The following CCNJL variants were observed in gnomAD, a reference collection of about 807,000 sequenced individuals.
CCNJL encodes the protein cyclin-J-like protein.
CCNJL carries 33 observed loss-of-function variants against 33.4 expected under a neutral mutation model. The observed-to-expected ratio is 0.99, with a 90% confidence interval of 0.75 to 1.32. The LOEUF is 1.32. CCNJL is among the 40% of genes most tolerant of loss of function. The probability of loss-of-function intolerance (pLI) is 0.00; values close to 1 mark genes in which losing one functional copy is unlikely to be tolerated. For synonymous variants in CCNJL, 227 were observed against 220.9 expected (o/e 1.03, Z -0.24); for missense variants, 512 against 499.7 (o/e 1.02, Z -0.23).
chr5:160,336,999 CTTTCT>C (rs1763690450), intron 1 of CCNJL, among the ~76,000 whole-genome samples: 1 of 111,722 alleles, frequency 9.0e-6, no homozygotes, highest in African/African-American at 3.6e-5. Flanking sequence ...CTTTCTTTTT[CTTTCT>C]TTTTTTTTTT....
At chr5:160,289,529 G>A (rs74955351) in intron 2 of CCNJL, among the ~76,000 whole-genome samples, 3,070 of 152,120 alleles carry the variant, frequency 0.02, 96 homozygotes, top group African/African-American at 0.069. Flanking sequence ...CAGCATTTCT[G>A]AGACCAGAGG....
At chr5:160,256,354 G>A (rs1014476178) in intron 4 of CCNJL, among the ~76,000 whole-genome samples, 4 of 152,156 alleles carry the variant, frequency 2.6e-5, no homozygotes, top group Non-Finnish European at 2.9e-5. Flanking sequence ...AAAGGCTTCC[G>A]TTTTGGGGTA....
intron 3 of CCNJL, among the ~76,000 whole-genome samples, chr5:160,278,127 A>T (rs565422216): frequency 1.3e-5 from 2 of 152,196 alleles, no homozygotes; most frequent in African/African-American, 4.8e-5. Flanking sequence ...GGCTGGTCTC[A>T]AACTTCTGAC....
At chr5:160,267,262 T>C (rs1761636214) in intron 3 of CCNJL, among the ~76,000 whole-genome samples, 1 of 152,136 alleles carries the variant, frequency 6.6e-6, no homozygotes, top group South Asian at 2.1e-4. Flanking sequence ...GCTGTGCCCT[T>C]AACAGATGCT....
chr5:160,333,664 T>C (rs1202055816), intron 1 of CCNJL, among the ~76,000 whole-genome samples: 1 of 151,332 alleles, frequency 6.6e-6, no homozygotes, highest in Admixed American at 6.6e-5. Flanking sequence ...TCCCCTTAGG[T>C]GGAGTTGTTT....
chr5:160,281,120 T>C (rs1289284105), intron 2 of CCNJL, among the ~76,000 whole-genome samples: 1 of 152,214 alleles, frequency 6.6e-6, no homozygotes, highest in South Asian at 2.1e-4. Context: ...CTGGTTCCAC[T>C]ACTCAGCCAA....
intron 2 of CCNJL, among the ~76,000 whole-genome samples, chr5:160,292,592 G>C (rs957611786): frequency 1.3e-5 from 2 of 152,052 alleles, no homozygotes; most frequent in Admixed American, 6.6e-5. Context: ...CTGCACTCTA[G>C]CCTGGGTGAC....
intron 3 of CCNJL, among the ~76,000 whole-genome samples, chr5:160,279,247 A>G (rs1199467378): frequency 6.6e-6 from 1 of 152,228 alleles, no homozygotes; most frequent in Non-Finnish European, 1.5e-5. Context: ...GAAATGAATA[A>G]TGAAATAGGA....
intron 1 of CCNJL, among the ~76,000 whole-genome samples, chr5:160,329,046 G>A (rs1247747613): frequency 1.3e-5 from 2 of 152,130 alleles, no homozygotes; most frequent in East Asian, 1.9e-4. Context: ...CTGCCTCACT[G>A]GAACCCATGC....
intron 2 of CCNJL, among the ~76,000 whole-genome samples, chr5:160,289,641 T>C (rs1372101811): frequency 6.6e-6 from 1 of 151,986 alleles, no homozygotes; most frequent in Non-Finnish European, 1.5e-5. Context: ...GAGGATTACC[T>C]GAGAGGGAAA....
chr5:160,262,767 A>G lies in CCNJL; in HGVS notation c.281-2996T>C, dbSNP rs532339491. Among the ~76,000 whole-genome samples the G allele has an allele frequency of 2.6e-5, 4 of 152,338 alleles. No individual in the cohort carries two copies. The South Asian group carries it at 8.3e-4, about 32-fold the overall frequency. On this transcript the variant is annotated intron_variant, in intron 3 of 5. Coordinates refer to ENST00000257536, the MANE Select transcript of CCNJL (RefSeq NM_001308173.3). ...TTGGCCTGGCCAGCAGTTAAAAAGC[A>G]GCCAGAAAAGATTTTATGAGTTTCC... is the stretch of plus-strand genomic sequence containing the variant.
chr5:160,336,036 T>G (rs945177575), intron 1 of CCNJL, among the ~76,000 whole-genome samples: 7 of 152,196 alleles, frequency 4.6e-5, no homozygotes, highest in Non-Finnish European at 1.0e-4. Context: ...GACTCTCCCC[T>G]TCTTTATTTG....
At chr5:160,318,428 A>G (rs983270831) in intron 1 of CCNJL, among the ~76,000 whole-genome samples, 1 of 152,232 alleles carries the variant, frequency 6.6e-6, no homozygotes, top group Non-Finnish European at 1.5e-5. Flanking sequence ...ATAAGGTCAC[A>G]TTGTGAGCTA....
chr5:160,321,854 G>A (rs1019403433), intron 1 of CCNJL, among the ~76,000 whole-genome samples: 6 of 152,112 alleles, frequency 3.9e-5, no homozygotes, highest in Non-Finnish European at 5.9e-5. Flanking sequence ...GTGAGACTCC[G>A]TCTCAAAAAA....
upstream of CCNJL, among the ~76,000 whole-genome samples, chr5:160,313,513 G>A (rs1212351887): frequency 2.0e-5 from 3 of 152,136 alleles, no homozygotes; most frequent in African/African-American, 7.2e-5. Context: ...TTTAGTTTCT[G>A]ACTGCTTTCC....
intron 2 of CCNJL, among the ~76,000 whole-genome samples, chr5:160,302,202 T>C (rs995415527): frequency 6.6e-6 from 1 of 152,162 alleles, no homozygotes; most frequent in Non-Finnish European, 1.5e-5. Flanking sequence ...TGAGATGAGT[T>C]AGTGAAATCA....
chr5:160,326,486 CAAAAAAAAAA>C lies in CCNJL; in HGVS notation n.207-10991_207-10982del, dbSNP rs11461365. On this transcript the variant is annotated intron_variant and non_coding_transcript_variant, in intron 1 of 7. Transcript: ENST00000377503. The stretch of plus-strand genomic sequence containing the variant: ...GGGCGACAGAGCTAGACTCTGTCTC[CAAAAAAAAAA>C]AAAAAAAAAAAAAGCCATTATGCCA... 5.2e-5 allele frequency among the ~76,000 whole-genome samples: 3 copies of C among 57,646 alleles called. No homozygotes were observed. The East Asian group carries it at 2.2e-3, about 43-fold the overall frequency. 37.8% of individuals were successfully genotyped at this position (57,646 alleles called of 152,430 possible). A position where few individuals can be genotyped will look rare whatever the true frequency, so the allele number is the denominator to read the frequency against.
chr5:160,320,635 C>G (rs1160704890), intron 1 of CCNJL, among the ~76,000 whole-genome samples: 5 of 152,228 alleles, frequency 3.3e-5, no homozygotes, highest in Non-Finnish European at 5.9e-5. Context: ...GGAGCCCCTT[C>G]TGCATCCCCT....
intron 2 of CCNJL, among the ~76,000 whole-genome samples, chr5:160,295,412 C>T (rs1038334881): frequency 1.3e-4 from 20 of 152,270 alleles, no homozygotes; most frequent in African/African-American, 3.6e-4. Flanking sequence ...CTCTTGAACC[C>T]GGGCACTGGA....
Sources: gnomAD v4.1 joint callset for allele counts (sites outside exome capture counted in the v4.1 genomes callset) on GRCh38, gnomAD v4.1.1 for gene constraint, MANE v1.5 for transcripts, NCBI Gene and HGNC (gene_info 2026-07-23, HGNC 2026-07-21) for gene names.